COL4A5: variants seen among roughly 807,000 people sequenced by gnomAD.
COL4A5 encodes collagen alpha-5(IV) chain.
In COL4A5, 26 loss-of-function variants were observed where a neutral mutation model predicts 130.2. The ratio of observed to expected loss-of-function variants is 0.20; its 90% CI spans 0.15 to 0.28. The LOEUF (loss-of-function observed/expected upper bound fraction) is 0.28, where lower values mean the gene tolerates loss of function less well. Among genes scored for constraint, COL4A5 ranks in the 10% least tolerant of loss-of-function variants. The pLI is 1.00. For missense variants in COL4A5, 1,131 were observed against 1,344.3 expected (o/e 0.84, Z 2.48); for synonymous variants, 496 against 439.6 (o/e 1.13, Z -1.60).
At chrX:108,512,187 T>C (rs1323397855) in intron 1 of COL4A5, among the ~76,000 whole-genome samples, 1 of 112,120 alleles carries the variant, frequency 8.9e-6, no homozygotes, top group Non-Finnish European at 1.9e-5. Context: ...GCAGAAATCT[T>C]AAGTGAACAT....
intron 36 of COL4A5, chrX:108,627,452 C>G (rs2067173574): frequency 1.3e-6 from 1 of 743,857 alleles, no homozygotes; most frequent in Non-Finnish European, 1.6e-6. Flanking sequence ...GGTATGCATG[C>G]TACTCTGTAC....
intron 47 of COL4A5, among the ~76,000 whole-genome samples, chrX:108,684,303 C>CA (rs1292048671): frequency 9.0e-6 from 1 of 110,727 alleles, no homozygotes; most frequent in African/African-American, 3.3e-5. Context: ...AAAAACCCTT[C>CA]AAAAAATCAA....
rs768352051 is a variant in COL4A5, at chrX:108,536,682, A to G, written c.82-3064A>G. On this transcript the variant is annotated intron_variant, in intron 1 of 52. Transcript: ENST00000328300. Reference sequence around the variant, plus strand: ...CACTTTCTCCACAGAGCCTTTGTCAATACTTTCAGGCTCAAGGGAACTGTT... The same window carrying G: ...CACTTTCTCCACAGAGCCTTTGTCAGTACTTTCAGGCTCAAGGGAACTGTT... Among the ~76,000 whole-genome samples the G allele has an allele frequency of 3.6e-5, 4 of 111,310 alleles. No individual in the cohort carries two copies. The South Asian group carries it at 1.5e-3, about 42-fold the overall frequency.
intron 1 of COL4A5, among the ~76,000 whole-genome samples, chrX:108,474,545 A>G (rs1050230210): frequency 2.7e-5 from 3 of 112,158 alleles, no homozygotes; most frequent in African/African-American, 9.7e-5. Flanking sequence ...CTCAGAACAT[A>G]TCCCCATTAT....
intron 2 of COL4A5, among the ~76,000 whole-genome samples, chrX:108,556,960 A>G (rs1006139763): frequency 1.8e-5 from 2 of 111,503 alleles, no homozygotes; most frequent in Non-Finnish European, 3.8e-5. Context: ...TTCAGGATAT[A>G]TCATTTATAG....
intron 36 of COL4A5, among the ~76,000 whole-genome samples, chrX:108,640,622 G>A (rs771787365): frequency 1.8e-5 from 2 of 111,366 alleles, no homozygotes; most frequent in African/African-American, 6.5e-5. Flanking sequence ...TGAGTATAAG[G>A]TTTCCGTTTG....
At chrX:108,585,255 T>C (rs1019969373) in intron 18 of COL4A5, among the ~76,000 whole-genome samples, 1 of 112,325 alleles carries the variant, frequency 8.9e-6, no homozygotes, top group African/African-American at 3.2e-5. Context: ...GGAAAACTTA[T>C]GTGTCCAGAC....
intron 1 of COL4A5, among the ~76,000 whole-genome samples, chrX:108,516,907 A>G (rs886669509): frequency 9.0e-6 from 1 of 111,673 alleles, no homozygotes; most frequent in Non-Finnish European, 1.9e-5. Flanking sequence ...CTACGGTGCT[A>G]TTCTAATCTA....
intron 44 of COL4A5, among the ~76,000 whole-genome samples, chrX:108,678,025 C>T (rs2068341968): frequency 8.9e-6 from 1 of 111,736 alleles, no homozygotes; most frequent in Non-Finnish European, 1.9e-5. Flanking sequence ...AAGTTAGGGT[C>T]AAATGTCAGC....
rs144456847 is a variant in COL4A5, at chrX:108,640,572, G to A, written c.3246+14223G>A. 5.7e-3 allele frequency among the ~76,000 whole-genome samples: 631 copies of A among 111,234 alleles called. 17 individuals carry two copies. Among genetic ancestry groups the A allele is most frequent in the Admixed American group, 0.055 (576 of 10,481 alleles). On this transcript the variant is annotated intron_variant, in intron 36 of 52. Coordinates refer to ENST00000328300, the MANE Select transcript of COL4A5 (RefSeq NM_033380.3). ...CACACTGAAAAAAAAATTGTAACTC[G>A]GTGAAGTGCTAGATGTGTTAACTAA...
rs144282156 is a variant in COL4A5 at position 108,686,096 on chromosome X, C to T, written c.4282C>T (p.Arg1428Cys). ...CCCTGGCTTTGATGGTGCAGGAGGG[C>T]GCAAAGGAGACCCAGGTCTGCCAGG... is the stretch of plus-strand genomic sequence containing the variant. The part of the protein sequence containing the change: ...GLPGFDGAGG[R>C]KGDPGLPGQP... Residue 1428 changes from arginine to cysteine, a missense_variant, in exon 48 of 53, where the codon CGC (arginine) becomes TGC (cysteine). Coordinates refer to ENST00000328300, the MANE Select transcript of COL4A5 (RefSeq NM_033380.3). 1,027 of 1,208,447 alleles carry T rather than the reference C, an allele frequency of 8.5e-4. No homozygotes were observed. The highest frequency in any genetic ancestry group is 1.1e-3 in the Non-Finnish European group (964 of 894,539).
At chrX:108,602,075 A>C (rs2066642561) in intron 27 of COL4A5, 86 bp downstream of exon 27, 1 of 520,912 alleles carries the variant, frequency 1.9e-6, no homozygotes, top group Non-Finnish European at 3.4e-6. Context: ...CAAATAAAAT[A>C]TATTAATTGC....
At chrX:108,465,345 T>C (rs1049541318) in intron 1 of COL4A5, among the ~76,000 whole-genome samples, 2 of 112,431 alleles carry the variant, frequency 1.8e-5, no homozygotes, top group African/African-American at 6.4e-5. Flanking sequence ...CTTTTTCTGA[T>C]GTTGAGCATA....
chrX:108,642,441 T>TC (rs2067487967), intron 36 of COL4A5, among the ~76,000 whole-genome samples: 1 of 110,887 alleles, frequency 9.0e-6, no homozygotes, highest in Non-Finnish European at 1.9e-5. Flanking sequence ...AGCCCCAAAA[T>TC]AGAGCATTAA....
rs28506972 is a variant in COL4A5, at chrX:108,588,923, T to C, written c.1166-2135T>C. 4.3e-3 allele frequency among the ~76,000 whole-genome samples: 484 copies of C among 111,578 alleles called. 4 individuals carry two copies. Among genetic ancestry groups the C allele is most frequent in the African/African-American group, 0.014 (432 of 30,841 alleles). ...GTGAAGATGAGATACATAGGAAGTTTAACACCTTCAGACTGTCTCTGAAAT... is the reference window on the plus strand; with the variant it reads ...GTGAAGATGAGATACATAGGAAGTTCAACACCTTCAGACTGTCTCTGAAAT... On this transcript the variant is annotated intron_variant, in intron 19 of 52. Transcript: ENST00000328300.
At chrX:108,505,209 A>G (rs2065113157) in intron 1 of COL4A5, among the ~76,000 whole-genome samples, 2 of 109,572 alleles carry the variant, frequency 1.8e-5, no homozygotes, top group South Asian at 4.0e-4. Flanking sequence ...ACAGAGTTGT[A>G]TAATGGACTT....
chrX:108,493,429 G>A (rs1479402367), intron 1 of COL4A5, among the ~76,000 whole-genome samples: 2 of 111,666 alleles, frequency 1.8e-5, no homozygotes, highest in Non-Finnish European at 3.8e-5. Context: ...TGTCATTTAG[G>A]AAATATACTG....
At chrX:108,649,308 T>C (rs754025876) in intron 36 of COL4A5, among the ~76,000 whole-genome samples, 1 of 111,870 alleles carries the variant, frequency 8.9e-6, no homozygotes, top group Non-Finnish European at 1.9e-5. Context: ...GTAGAATCAA[T>C]ATTGTGAAAA....
chrX:108,665,724 G>T, intron 38 of COL4A5, 137 bp downstream of exon 38: 1 of 493,187 alleles, frequency 2.0e-6, no homozygotes, highest in Non-Finnish European at 3.6e-6. Context: ...AACACTGCAT[G>T]TGAGGTACAG....
Sources: gnomAD v4.1 joint callset for allele counts (sites outside exome capture counted in the v4.1 genomes callset) on GRCh38, gnomAD v4.1.1 for gene constraint, MANE v1.5 for transcripts, NCBI Gene and HGNC (gene_info 2026-07-23, HGNC 2026-07-21) for gene names.